TIPARP: variants seen among roughly 807,000 people sequenced by gnomAD.
The protein encoded by TIPARP is protein mono-ADP-ribosyltransferase TIPARP.
TIPARP carries 12 observed loss-of-function variants against 56.5 expected under a neutral mutation model. That is an observed-to-expected ratio of 0.21 (90% CI 0.14 to 0.34). The LOEUF is 0.34. Ranked by LOEUF, TIPARP falls within the 10% of genes least tolerant of loss-of-function variation. The pLI is 1.00. For missense variants in TIPARP, 604 were observed against 781.6 expected (o/e 0.77, Z 2.71); for synonymous variants, 296 against 265.7 (o/e 1.11, Z -1.11).
rs746258116 is a variant in TIPARP at position 156,678,164 on chromosome 3, C to T, written c.467C>T (p.Pro156Leu). The change falls in exon 2 of 6, where the codon CCA (proline) becomes CTA (leucine). Residue 156 changes from proline to leucine, a missense_variant. Physicochemically the swap from Pro to Leu is moderately conservative, Grantham distance 98. Coordinates refer to ENST00000295924, the MANE Select transcript of TIPARP (RefSeq NM_015508.5). ...AGTGGGACGGTGGCAGATTCCACAC[C>T]AGCTCACTTCCAGACTGATCTTTTG... is the stretch of plus-strand genomic sequence containing the variant. ...TLSGTVADST[P>L]AHFQTDLLHP... 1.9e-6 allele frequency: 3 copies of T among 1,614,096 alleles called. No homozygotes were observed. The highest frequency in any genetic ancestry group is 1.7e-5 in the Admixed American group (1 of 60,020).
chr3:156,702,350 T>TA (rs1420185856), intron 4 of TIPARP, among the ~76,000 whole-genome samples: 1 of 152,224 alleles, frequency 6.6e-6, no homozygotes, highest in African/African-American at 2.4e-5. Flanking sequence ...CAAGTCATCT[T>TA]ACAGGGTTAT....
At chr3:156,676,610 G>C (rs1382278320) in intron 1 of TIPARP, 2 of 152,202 alleles carry the variant, frequency 1.3e-5, no homozygotes, top group East Asian at 3.8e-4. Flanking sequence ...GGGACCTTGC[G>C]TCACAGATCT....
At position 156,676,189 on chromosome 3, in the gene TIPARP, C is replaced by T. The variant is rs115844714; in HGVS notation, c.-42+1393C>T. On this transcript the variant is annotated intron_variant, in intron 1 of 5. Coordinates refer to ENST00000295924, the MANE Select transcript of TIPARP (RefSeq NM_015508.5). ...CCAAATGATGAATAATAACGCCTGG[C>T]TTGGCTCCTTTCCAGTTGATTTATG... Among the ~76,000 whole-genome samples the T allele has an allele frequency of 4.8e-3, 731 of 152,344 alleles. 9 individuals are homozygous for T. The highest frequency in any genetic ancestry group is 0.017 in the African/African-American group (709 of 41,574).
chr3:156,677,988 T>G lies in TIPARP; in HGVS notation c.291T>G (p.Asn97Lys). 2 of 1,614,114 alleles carry G rather than the reference T, an allele frequency of 1.2e-6. No individual in the cohort carries two copies. The highest frequency in any genetic ancestry group is 1.7e-6 in the Non-Finnish European group (2 of 1,180,028). ...TGATGAAGAAAGCCATGGAAATCAATTCATCATGCCCACCAGCAGAAAATA... is the reference window on the plus strand; with the variant it reads ...TGATGAAGAAAGCCATGGAAATCAAGTCATCATGCCCACCAGCAGAAAATA... ...EPMMKKAMEI[N>K]SSCPPAENNM... Residue 97 changes from asparagine (N) to lysine (K), a missense_variant, in exon 2 of 6, where the codon AAT becomes AAG. By Grantham distance (94) the Asn-to-Lys change is moderately conservative. Coordinates refer to ENST00000295924, the MANE Select transcript of TIPARP (RefSeq NM_015508.5).
At chr3:156,688,236 T>C (rs1449610673) in intron 2 of TIPARP, among the ~76,000 whole-genome samples, 1 of 151,208 alleles carries the variant, frequency 6.6e-6, no homozygotes, top group East Asian at 1.9e-4. Flanking sequence ...ATTAGCTGAG[T>C]GTGGTGGATC....
chr3:156,703,391 TTTTACA>T, intron 4 of TIPARP, 27 bp from the exon 5 acceptor site: 1 of 1,606,190 alleles, frequency 6.2e-7, no homozygotes. Context: ...TTTCTTAATG[TTTTACA>T]TTGATGTTTC....
intron 3 of TIPARP, among the ~76,000 whole-genome samples, chr3:156,695,336 C>A (rs755706821): frequency 2.2e-4 from 33 of 152,062 alleles, no homozygotes; most frequent in Non-Finnish European, 4.1e-4. Flanking sequence ...GCCTCAGCCT[C>A]CCAAATAGCT....
At chr3:156,695,424 G>T (rs1722688448) in intron 3 of TIPARP, among the ~76,000 whole-genome samples, 1 of 151,748 alleles carries the variant, frequency 6.6e-6, no homozygotes, top group Non-Finnish European at 1.5e-5. Flanking sequence ...TTGCGATGTT[G>T]CCCAGTCTAG....
At chr3:156,683,774 T>C (rs1456248025) in intron 2 of TIPARP, among the ~76,000 whole-genome samples, 1 of 152,226 alleles carries the variant, frequency 6.6e-6, no homozygotes, top group Non-Finnish European at 1.5e-5. Flanking sequence ...GTTTGGGTGC[T>C]ATTCCTAAAG....
chr3:156,694,033 T>G lies in TIPARP; in HGVS notation c.931T>G (p.Trp311Gly). Reference sequence around the variant, plus strand: ...GTTTTTTTTTAGAGGACAAGAATTTTGGGCAGATTTGAATGCCATGAACGT... The same window carrying G: ...GTTTTTTTTTAGAGGACAAGAATTTGGGGCAGATTTGAATGCCATGAACGT... ...MRMKYGGQEFWADLNAMNVYE... is the reference protein window; with the variant it reads ...MRMKYGGQEFGADLNAMNVYE... Residue 311 changes from tryptophan to glycine, a missense_variant, in exon 3 of 6, where the codon TGG (tryptophan) becomes GGG (glycine). Physicochemically the swap from Trp to Gly is radical, Grantham distance 184 (BLOSUM62 -2). Around this residue, in one of 4 missense-constraint regions of TIPARP, gnomAD observed 252 missense variants for 303.9 expected, o/e 0.83. Coordinates refer to ENST00000295924, the MANE Select transcript of TIPARP (RefSeq NM_015508.5). 6.3e-7 allele frequency: 1 copy of G among 1,589,482 alleles called. No homozygotes were observed. The highest frequency in any genetic ancestry group is 8.5e-7 in the Non-Finnish European group (1 of 1,172,776).
chr3:156,690,424 G>A (rs1722539978), intron 2 of TIPARP, among the ~76,000 whole-genome samples: 1 of 152,164 alleles, frequency 6.6e-6, no homozygotes. Context: ...GTCGGAAAAT[G>A]TTGGCTTAAT....
At chr3:156,701,778 G>A (rs748960075) in intron 4 of TIPARP, among the ~76,000 whole-genome samples, 1 of 152,198 alleles carries the variant, frequency 6.6e-6, no homozygotes, top group East Asian at 1.9e-4. Context: ...CTTTTGTTGT[G>A]AAGGTTGGAG....
rs1722206681 is a variant in TIPARP at position 156,678,436 on chromosome 3, C to G, written c.739C>G (p.Leu247Val). 10 of 1,614,220 alleles carry G rather than the reference C, an allele frequency of 6.2e-6. No individual in the cohort carries two copies. Among genetic ancestry groups the G allele is most frequent in the Non-Finnish European group, 7.6e-6 (9 of 1,180,034 alleles). The change falls in exon 2 of 6, where the codon CTG becomes GTG. Residue 247 changes from leucine to valine, a missense_variant. Leu to Val is a conservative substitution (Grantham distance 32). Around this residue, in one of 4 missense-constraint regions of TIPARP, gnomAD observed 14 missense variants for 37.6 expected, o/e 0.37. Transcript: ENST00000295924. The stretch of plus-strand genomic sequence containing the variant: ...CGGAATTGAAATTTGCATGGACTTT[C>G]TGCAAGGCACTTGTATTTATGGCAG... ...ENGIEICMDF[L>V]QGTCIYGRDC...
Position 156,703,484 on chromosome 3 carries a change from A to G in TIPARP, c.1308A>G (p.Gln436=), listed in dbSNP as rs759741881. Residue 436 remains glutamine, a synonymous_variant, in exon 5 of 6, where the codon CAA becomes CAG. Transcript: ENST00000295924. ...PPPLEATSSS[Q]IICPDGVTSA... ...CTCTTGAAGCAACTTCATCATCACA[A>G]ATTATCTGCCCAGATGGGGTCACTT... is the stretch of plus-strand genomic sequence containing the variant. 2.5e-6 allele frequency: 4 copies of G among 1,614,056 alleles called. No homozygotes were observed. The Admixed American group carries it at 5.0e-5, about 20-fold the overall frequency.
chr3:156,677,715 C>A lies in TIPARP; in HGVS notation c.18C>A (p.Thr6=). The A allele has an allele frequency of 6.3e-7, 1 of 1,587,940 alleles. No homozygotes were observed. Among genetic ancestry groups the A allele is most frequent in the Non-Finnish European group, 8.5e-7 (1 of 1,171,096 alleles). ...TCCACATTATGGAAATGGAAACCAC[C>A]GAACCTGAGCCAGACTGTGTAGTGC... MEMET[T]EPEPDCVVQP... The change falls in exon 2 of 6, where the codon ACC becomes ACA. Residue 6 remains threonine (T), a synonymous_variant. Coordinates refer to ENST00000295924, the MANE Select transcript of TIPARP (RefSeq NM_015508.5).
chr3:156,681,892 C>T (rs973018711), intron 2 of TIPARP, among the ~76,000 whole-genome samples: 2 of 151,510 alleles, frequency 1.3e-5, no homozygotes, highest in African/African-American at 4.9e-5. Context: ...TTTCCAAATT[C>T]CAAATATACA....
chr3:156,695,860 C>T lies in TIPARP; in HGVS notation c.1087-5C>T, dbSNP rs1203618535. 7.3e-7 allele frequency: 1 copy of T among 1,376,478 alleles called. No individual in the cohort carries two copies. Among genetic ancestry groups the T allele is most frequent in the Non-Finnish European group, 9.5e-7 (1 of 1,056,982 alleles). The allele number at this position is 1,376,478 out of a possible 1,614,324, so 85.3% of individuals were successfully genotyped here. A position where few individuals can be genotyped will look rare whatever the true frequency, so the allele number is the denominator to read the frequency against. On this transcript the variant is annotated splice_polypyrimidine_tract_variant and splice_region_variant and intron_variant, in intron 3 of 5. Transcript: ENST00000295924. The stretch of plus-strand genomic sequence containing the variant: ...TTTTTTTTTGTTCTGTTTTCTCCTC[C>T]ATAGTCTGTCATTCGATTGATTGAA...
Position 156,694,154 on chromosome 3 carries a change from G to A in TIPARP, c.1052G>A (p.Cys351Tyr). The change falls in exon 3 of 6, where the codon TGT becomes TAT. Residue 351 changes from cysteine (C) to tyrosine (Y), a missense_variant. Around this residue, in one of 4 missense-constraint regions of TIPARP, gnomAD observed 252 missense variants for 303.9 expected, o/e 0.83. Transcript: ENST00000295924. ...SIYHTVWKFF[C>Y]RDHFGWREYP... ...TACCACACAGTCTGGAAATTCTTCT[G>A]TAGGGACCACTTTGGATGGAGAGAG... The A allele has an allele frequency of 1.9e-6, 3 of 1,611,658 alleles. No homozygotes were observed. Among genetic ancestry groups the A allele is most frequent in the Non-Finnish European group, 2.5e-6 (3 of 1,179,096 alleles).
At position 156,703,470 on chromosome 3, in the gene TIPARP, A is replaced by G; in HGVS notation, c.1294A>G (p.Thr432Ala). 3 of 1,614,188 alleles carry G rather than the reference A, an allele frequency of 1.9e-6. No individual in the cohort carries two copies. The highest frequency in any genetic ancestry group is 2.5e-6 in the Non-Finnish European group (3 of 1,180,028). The change falls in exon 5 of 6, where the codon ACT becomes GCT. Residue 432 changes from threonine (T) to alanine (A), a missense_variant. Physicochemically the swap from Thr to Ala is moderately conservative, Grantham distance 58. Around this residue, in one of 4 missense-constraint regions of TIPARP, gnomAD observed 252 missense variants for 303.9 expected, o/e 0.83. Coordinates refer to ENST00000295924, the MANE Select transcript of TIPARP (RefSeq NM_015508.5). Reference sequence around the variant, plus strand: ...ACAAGCTCCTCCACCTCTTGAAGCAACTTCATCATCACAAATTATCTGCCC... The same window carrying G: ...ACAAGCTCCTCCACCTCTTGAAGCAGCTTCATCATCACAAATTATCTGCCC... ...PTQAPPPLEA[T>A]SSSQIICPDG...
Sources: allele counts gnomAD v4.1 joint callset (sites outside exome capture counted in the v4.1 genomes callset), GRCh38; gene constraint gnomAD v4.1.1; regional missense constraint gnomAD v4.1.1; transcripts MANE v1.5; gene names NCBI Gene and HGNC (gene_info 2026-07-23, HGNC 2026-07-21).